Variants in ADGRV1 observed in about 807,000 individuals in gnomAD.
ADGRV1 encodes G-protein coupled receptor 98.
A neutral mutation model predicts 596.2 loss-of-function variants in ADGRV1; 359 were observed. The observed-to-expected ratio is 0.60, with a 90% CI of 0.55 to 0.66. The LOEUF (loss-of-function observed/expected upper bound fraction) is 0.66. ADGRV1 is among the 30% of genes least tolerant of loss of function. The pLI is 0.00. For missense variants in ADGRV1, 7,274 were observed against 7,575.6 expected (o/e 0.96, Z 1.48); for synonymous variants, 2,681 against 2,679.2 (o/e 1.00, Z -0.02).
intron 29 of ADGRV1, among the ~76,000 whole-genome samples, chr5:90,687,404 G>A (rs1324078916): frequency 6.6e-6 from 1 of 152,056 alleles, no homozygotes; most frequent in African/African-American, 2.4e-5. Flanking sequence ...TGTAAGGAAG[G>A]GATCCAGTTT....
chr5:91,153,497 C>G, intron 89 of ADGRV1, 99 bp downstream of exon 89: 1 of 733,820 alleles, frequency 1.4e-6, no homozygotes, highest in Non-Finnish European at 2.1e-6. Context: ...ATCAGTCACC[C>G]TTAGCACATC....
At chr5:90,723,877 T>TA (rs1466379356) in intron 45 of ADGRV1, among the ~76,000 whole-genome samples, 1 of 152,004 alleles carries the variant, frequency 6.6e-6, no homozygotes, top group African/African-American at 2.4e-5. Context: ...ATACATTTTT[T>TA]AAAAAATGTT....
At chr5:90,868,400 C>T (rs1284131797) in intron 83 of ADGRV1, among the ~76,000 whole-genome samples, 1 of 151,414 alleles carries the variant, frequency 6.6e-6, no homozygotes, top group Non-Finnish European at 1.5e-5. Flanking sequence ...TTTTTTATTT[C>T]TTTTTTCTAA....
intron 65 of ADGRV1, among the ~76,000 whole-genome samples, chr5:90,781,994 G>T (rs967320003): frequency 2.6e-5 from 4 of 152,042 alleles, no homozygotes; most frequent in African/African-American, 7.2e-5. Context: ...CTGGATCCTT[G>T]ATCTTGCTTT....
Position 90,673,926 on chromosome 5 carries a change from T to C in ADGRV1, c.4930-128T>C. The C allele has an allele frequency of 1.1e-5, 7 of 643,608 alleles. No individual in the cohort carries two copies. The Admixed American group carries it at 1.4e-4, about 13-fold the overall frequency. 39.9% of individuals were successfully genotyped at this position (643,608 alleles called of 1,614,324 possible). ...CACATACAATGTTTTAATGTTTTAATTTATGCAGAAATAAGTCGTAAGTGG... is the reference window on the plus strand; with the variant it reads ...CACATACAATGTTTTAATGTTTTAACTTATGCAGAAATAAGTCGTAAGTGG... On this transcript the variant is annotated intron_variant, in intron 22 of 89. Coordinates refer to ENST00000405460, the MANE Select transcript of ADGRV1 (RefSeq NM_032119.4).
intron 63 of ADGRV1, 29 bp downstream of exon 63, chr5:90,778,638 TATC>T: frequency 6.8e-7 from 1 of 1,468,404 alleles, no homozygotes; most frequent in Non-Finnish European, 9.1e-7. Flanking sequence ...AAGATTTTAA[TATC>T]ATTTTTATTT....
At position 90,652,360 on chromosome 5, in the gene ADGRV1, G is replaced by A. The variant is rs199735068; in HGVS notation, c.3431G>A (p.Arg1144Gln). The A allele has an allele frequency of 6.2e-5, 98 of 1,589,514 alleles. No homozygotes were observed. Among genetic ancestry groups the A allele is most frequent in the East Asian group, 2.0e-4 (9 of 44,552 alleles). Reference protein sequence around the residue: ...KTNAFWILRHRGYFGSVSVSW... With the variant: ...KTNAFWILRHQGYFGSVSVSW... ...TTATTTTGTAGGATTTTGAGGCACCGAGGATACTTTGGTAGTGTTTCTGTA... is the reference window on the plus strand; with the variant it reads ...TTATTTTGTAGGATTTTGAGGCACCAAGGATACTTTGGTAGTGTTTCTGTA... Residue 1144 changes from arginine to glutamine, a missense_variant, in exon 19 of 90, where the codon CGA becomes CAA. This residue lies in a region of ADGRV1 where 1,715 missense variants were observed against 1,708.8 expected (regional missense o/e 1.00). Coordinates refer to ENST00000405460, the MANE Select transcript of ADGRV1 (RefSeq NM_032119.4).
chr5:90,979,459 C>T (rs11740777), intron 84 of ADGRV1, among the ~76,000 whole-genome samples: 36,233 of 151,964 alleles, frequency 0.24, 4,565 homozygotes, highest in Non-Finnish European at 0.28. Context: ...TGTGAGCTAC[C>T]GTGCCCAGCC....
At chr5:90,687,166 G>A (rs1359463694) in intron 29 of ADGRV1, among the ~76,000 whole-genome samples, 2 of 152,150 alleles carry the variant, frequency 1.3e-5, no homozygotes, top group African/African-American at 2.4e-5. Context: ...TAAGTTGCCT[G>A]TTCACTGTGA....
At chr5:90,595,418 C>T (rs1207965159) in intron 1 of ADGRV1, among the ~76,000 whole-genome samples, 11 of 27,630 alleles carry the variant, frequency 4.0e-4, no homozygotes, top group African/African-American at 1.3e-3. Flanking sequence ...CCGGACTGGG[C>T]GGCTGGCCGG....
At chr5:90,778,326 G>A (rs1427676592) in intron 62 of ADGRV1, 101 bp from the exon 63 acceptor site, 5 of 1,017,222 alleles carry the variant, frequency 4.9e-6, no homozygotes, top group African/African-American at 3.2e-5. Context: ...GGAATGAGGA[G>A]GAGATTAATA....
intron 83 of ADGRV1, among the ~76,000 whole-genome samples, chr5:90,876,987 T>C (rs1319304092): frequency 2.0e-5 from 3 of 152,182 alleles, no homozygotes; most frequent in South Asian, 2.1e-4. Context: ...AGTAAATAGA[T>C]GAATACAGTA....
In ADGRV1 at chr5:90,697,023, A is replaced by G. The variant is rs768454475; in HGVS notation, c.8032A>G (p.Thr2678Ala). Residue 2678 changes from threonine to alanine, a missense_variant, in exon 34 of 90, where the codon ACT becomes GCT. Physicochemically the swap from Thr to Ala is moderately conservative, Grantham distance 58. Transcript: ENST00000405460. ...DESIIVSLVY[T>A]EGGSRILPSS... The stretch of plus-strand genomic sequence containing the variant: ...AAGTATCATAGTTAGTTTGGTGTAC[A>G]CTGAAGGTGGAAGTAGAATTTTGCC... 1.9e-6 allele frequency: 3 copies of G among 1,613,412 alleles called. No individual in the cohort carries two copies. Among genetic ancestry groups the G allele is most frequent in the Admixed American group, 1.7e-5 (1 of 59,972 alleles).
chr5:90,712,378 T>C lies in ADGRV1; in HGVS notation c.9134T>C (p.Leu3045Pro), dbSNP rs1265785766. Residue 3045 changes from leucine (L) to proline (P), a missense_variant, in exon 42 of 90, where the codon CTG becomes CCG. By Grantham distance (98) the Leu-to-Pro change is moderately conservative (BLOSUM62 -3). This residue lies in a region of ADGRV1 where 3,643 missense variants were observed against 3,809.2 expected (regional missense o/e 0.96). Coordinates refer to ENST00000405460, the MANE Select transcript of ADGRV1 (RefSeq NM_032119.4). ...CCAGAAGGAGATGAAAAATTTCAGC[T>C]GATTTTAACAAATCCTTCTCCTGGA... is the stretch of plus-strand genomic sequence containing the variant. ...DIPEGDEKFQ[L>P]ILTNPSPGLE... 1 of 1,586,894 alleles carries C rather than the reference T, an allele frequency of 6.3e-7. No individual in the cohort carries two copies. The highest frequency in any genetic ancestry group is 8.6e-7 in the Non-Finnish European group (1 of 1,163,264).
At chr5:90,808,435 G>C (rs73179310) in intron 73 of ADGRV1, among the ~76,000 whole-genome samples, 1 of 152,140 alleles carries the variant, frequency 6.6e-6, no homozygotes, top group Non-Finnish European at 1.5e-5. Flanking sequence ...AAACTAGAGT[G>C]TATTCAAGTA....
chr5:90,686,027 C>A (rs1205950732), intron 29 of ADGRV1, 32 bp downstream of exon 29: 2 of 1,422,980 alleles, frequency 1.4e-6, no homozygotes, highest in South Asian at 1.4e-5. Context: ...GCAGTACATA[C>A]AGAGGGATGT....
intron 83 of ADGRV1, among the ~76,000 whole-genome samples, chr5:90,964,939 A>T (rs1448261933): frequency 1.3e-5 from 2 of 152,138 alleles, no homozygotes; most frequent in Admixed American, 6.5e-5. Context: ...ATAACCATAG[A>T]ATTTGAATTT....
At position 90,682,874 on chromosome 5, in the gene ADGRV1, T is replaced by A. The variant is rs112326057; in HGVS notation, c.5665-712T>A. The stretch of plus-strand genomic sequence containing the variant: ...ACAAAAGCATATCTTCCTTCTTAAA[T>A]GTATTTTCTTATACTTTGGGTCAAA... On this transcript the variant is annotated intron_variant, in intron 27 of 89. Coordinates refer to ENST00000405460, the MANE Select transcript of ADGRV1 (RefSeq NM_032119.4). Among the ~76,000 whole-genome samples, 151 of 152,368 alleles carry A rather than the reference T, an allele frequency of 9.9e-4. 1 individual carries two copies. The highest frequency in any genetic ancestry group is 3.6e-3 in the African/African-American group (148 of 41,588).
chr5:91,043,214 T>C (rs889850854), intron 85 of ADGRV1, among the ~76,000 whole-genome samples: 1 of 152,174 alleles, frequency 6.6e-6, no homozygotes, highest in Non-Finnish European at 1.5e-5. Flanking sequence ...GAGTTGTCCA[T>C]TGTCTGGATA....
Sources: gnomAD v4.1 joint callset for allele counts (sites outside exome capture counted in the v4.1 genomes callset) on GRCh38, gnomAD v4.1.1 for gene constraint, gnomAD v4.1.1 regional missense constraint, MANE v1.5 for transcripts, NCBI Gene and HGNC (gene_info 2026-07-23, HGNC 2026-07-21) for gene names.